The following SAMD4A variants were observed in gnomAD, a reference collection of about 807,000 sequenced individuals.
SAMD4A encodes sterile alpha motif domain containing 4A.
In SAMD4A, 33 loss-of-function variants were observed where a neutral mutation model predicts 81.3. The ratio of observed to expected loss-of-function variants is 0.41; its 90% CI spans 0.31 to 0.54. The LOEUF is 0.54. SAMD4A is among the 20% of genes least tolerant of loss of function. The probability of loss-of-function intolerance (pLI) is 0.37; values close to 1 mark genes in which losing one functional copy is unlikely to be tolerated. For missense variants in SAMD4A, 854 were observed against 951.1 expected (o/e 0.90, Z 1.34); for synonymous variants, 389 against 382.1 (o/e 1.02, Z -0.21).
At chr14:54,722,729 GT>G (rs1380429918) in intron 3 of SAMD4A, among the ~76,000 whole-genome samples, 1 of 152,134 alleles carries the variant, frequency 6.6e-6, no homozygotes, top group African/African-American at 2.4e-5. Context: ...GTTTCTTCCT[GT>G]TTTAAAGTTC....
At chr14:54,627,889 A>G (rs2034803783) in intron 2 of SAMD4A, among the ~76,000 whole-genome samples, 1 of 152,250 alleles carries the variant, frequency 6.6e-6, no homozygotes, top group African/African-American at 2.4e-5. Flanking sequence ...TGTGAGTTTT[A>G]GTTTCTGTCC....
At chr14:54,771,888 A>G (rs2038715255) in intron 9 of SAMD4A, among the ~76,000 whole-genome samples, 2 of 152,218 alleles carry the variant, frequency 1.3e-5, no homozygotes, top group Admixed American at 1.3e-4. Context: ...GAGGTGGAGC[A>G]GGGGACATGA....
At chr14:54,593,672 AAT>A (rs2033841420) in intron 2 of SAMD4A, among the ~76,000 whole-genome samples, 2 of 152,164 alleles carry the variant, frequency 1.3e-5, no homozygotes, top group South Asian at 4.1e-4. Context: ...TAAAGGCTGG[AAT>A]AGTCACTAAG....
chr14:54,763,154 C>T (rs771867400), intron 7 of SAMD4A, among the ~76,000 whole-genome samples: 37 of 151,580 alleles, frequency 2.4e-4, no homozygotes, highest in Non-Finnish European at 1.0e-4. Context: ...CGCGCCCAGC[C>T]GAATATTCAC....
At chr14:54,694,851 G>T (rs2036538436) in intron 2 of SAMD4A, 1 of 985,468 alleles carries the variant, frequency 1.0e-6, no homozygotes, top group Non-Finnish European at 1.2e-6. Flanking sequence ...ACCCAGCTGT[G>T]CCGGTACCTG....
upstream of SAMD4A, among the ~76,000 whole-genome samples, chr14:54,566,133 G>A (rs566985441): frequency 6.6e-6 from 1 of 152,090 alleles, no homozygotes; most frequent in Admixed American, 6.5e-5. Context: ...CGACACTGGA[G>A]GCAGCAGCAG....
Position 54,634,703 on chromosome 14 carries a change from CTCTA to C in SAMD4A, c.196+66607_196+66610del, listed in dbSNP as rs749136366. Among the ~76,000 whole-genome samples, 622 of 147,528 alleles carry C rather than the reference CTCTA, an allele frequency of 4.2e-3. 2 individuals are homozygous for C. The highest frequency in any genetic ancestry group is 5.4e-3 in the African/African-American group (212 of 39,560). ...GTCTGTGTCCCAGGGGTTGGGGACC[CTCTA>C]TCTATCTATCTATCTGTCTGTCTGT... is the stretch of plus-strand genomic sequence containing the variant. On this transcript the variant is annotated intron_variant, in intron 2 of 12. Coordinates refer to ENST00000554335, the MANE Select transcript of SAMD4A (RefSeq NM_015589.6).
chr14:54,788,989 T>C lies in SAMD4A; in HGVS notation c.*45T>C. On this transcript the variant is annotated 3_prime_UTR_variant, in exon 13 of 13. Transcript: ENST00000554335. ...CCGCGCTGGCCGTGAAATCGACTGC[T>C]GCGGGTCCAGTGTCCGCCATCTTCA... 6.2e-7 allele frequency: 1 copy of C among 1,606,720 alleles called. No homozygotes were observed. The highest frequency in any genetic ancestry group is 8.5e-7 in the Non-Finnish European group (1 of 1,173,250).
chr14:54,751,351 G>T (rs1453831479), intron 5 of SAMD4A, 100 bp from the exon 6 acceptor site: 1 of 734,712 alleles, frequency 1.4e-6, no homozygotes, highest in African/African-American at 1.8e-5. Context: ...GAACATATAG[G>T]AGCAAAGAAG....
At chr14:54,681,308 G>A (rs999852261) in intron 2 of SAMD4A, among the ~76,000 whole-genome samples, 2 of 151,808 alleles carry the variant, frequency 1.3e-5, no homozygotes, top group African/African-American at 4.8e-5. Flanking sequence ...GCCCACTTTT[G>A]AAAAAAGTAC....
intron 2 of SAMD4A, among the ~76,000 whole-genome samples, chr14:54,630,453 A>G (rs1322669779): frequency 6.6e-6 from 1 of 152,206 alleles, no homozygotes; most frequent in Non-Finnish European, 1.5e-5. Flanking sequence ...CCATCGTCCC[A>G]TGTGCTTATT....
intron 2 of SAMD4A, among the ~76,000 whole-genome samples, chr14:54,655,146 C>G (rs1268384562): frequency 6.6e-6 from 1 of 152,170 alleles, no homozygotes; most frequent in Non-Finnish European, 1.5e-5. Context: ...CAGGAGGCTA[C>G]CCCATAAACA....
chr14:54,770,265 T>A (rs772189488), intron 9 of SAMD4A, 43 bp downstream of exon 9: 8 of 1,363,950 alleles, frequency 5.9e-6, no homozygotes, highest in Non-Finnish European at 7.3e-6. Context: ...GTGGTTCCCC[T>A]GGCGCCTTGT....
At chr14:54,680,257 A>G (rs2036097640) in intron 2 of SAMD4A, among the ~76,000 whole-genome samples, 1 of 152,368 alleles carries the variant, frequency 6.6e-6, no homozygotes, top group East Asian at 1.9e-4. Context: ...CAGATTTTCT[A>G]TTTGAAAAAA....
chr14:54,567,822 C>G lies in SAMD4A; in HGVS notation c.-95C>G. 1.4e-6 allele frequency: 2 copies of G among 1,405,918 alleles called. No homozygotes were observed. Among genetic ancestry groups the G allele is most frequent in the Non-Finnish European group, 1.9e-6 (2 of 1,039,958 alleles). The allele number at this position is 1,405,918 out of a possible 1,614,324, so 87.1% of individuals were successfully genotyped here. Reference sequence around the variant, plus strand: ...GCCACCTTGGAACAGGAACGCGTCTCCGGCCGCGGGGCTGCGGCTCCGCCA... The same window carrying G: ...GCCACCTTGGAACAGGAACGCGTCTGCGGCCGCGGGGCTGCGGCTCCGCCA... On this transcript the variant is annotated 5_prime_UTR_variant, in exon 2 of 13. Transcript: ENST00000554335.
At chr14:54,651,143 TGATC>T (rs2035395187) in intron 2 of SAMD4A, among the ~76,000 whole-genome samples, 1 of 152,210 alleles carries the variant, frequency 6.6e-6, no homozygotes, top group Non-Finnish European at 1.5e-5. Flanking sequence ...GGAGCTCAGA[TGATC>T]CTGAGCTCTT....
Position 54,567,658 on chromosome 14 carries a change from T to TG in SAMD4A, c.-259_-258insG. ...CTTGTGGGGGATTTTTAAAAAGTCG[T>TG]TTTTTTTTTTAAAGAAACATTTCCG... is the stretch of plus-strand genomic sequence containing the variant. On this transcript the variant is annotated 5_prime_UTR_variant, in exon 2 of 13. Coordinates refer to ENST00000554335, the MANE Select transcript of SAMD4A (RefSeq NM_015589.6). 5.9e-5 allele frequency: 21 copies of TG among 356,374 alleles called. No homozygotes were observed. Among genetic ancestry groups the TG allele is most frequent in the Admixed American group, 1.1e-4 (2 of 18,790 alleles). The allele number at this position is 356,374 out of a possible 1,614,324, so 22.1% of individuals were successfully genotyped here.
chr14:54,644,565 G>A (rs1333517116), intron 2 of SAMD4A, among the ~76,000 whole-genome samples: 1 of 152,166 alleles, frequency 6.6e-6, no homozygotes, highest in Non-Finnish European at 1.5e-5. Flanking sequence ...GTAATTAGAG[G>A]AGTCAGATTC....
At position 54,760,440 on chromosome 14, in the gene SAMD4A, GC is replaced by G; in HGVS notation, c.1462del (p.Leu488CysfsTer31). On this transcript the variant is annotated frameshift_variant, in exon 7 of 13. Transcript: ENST00000554335. LOFTEE classifies it high-confidence loss of function. Reference sequence around the variant, plus strand: ...CAGCTGCGATGGGGAGCTGGCCGTCGCCCCCCTGCCAGAGGGGGACCTCCCC... The same window carrying G: ...CAGCTGCGATGGGGAGCTGGCCGTCGCCCCCTGCCAGAGGGGGACCTCCCC... ...LSSCDGELAV[A>X]PLPEGDLPGQ... is the part of the protein sequence containing the mutation. 2 of 1,427,176 alleles carry G rather than the reference GC, an allele frequency of 1.4e-6. No individual in the cohort carries two copies. Among genetic ancestry groups the G allele is most frequent in the South Asian group, 1.5e-5 (1 of 65,706 alleles). The allele number at this position is 1,427,176 out of a possible 1,614,324, so 88.4% of individuals were successfully genotyped here. A position where few individuals can be genotyped will look rare whatever the true frequency, so the allele number is the denominator to read the frequency against.
Sources: gnomAD v4.1 joint callset for allele counts (sites outside exome capture counted in the v4.1 genomes callset) on GRCh38, gnomAD v4.1.1 for gene constraint, MANE v1.5 for transcripts, NCBI Gene and HGNC (gene_info 2026-07-23, HGNC 2026-07-21) for gene names.